SPAG6: variants seen among roughly 807,000 people sequenced by gnomAD.
SPAG6 encodes the protein sperm-associated antigen 6.
In SPAG6, 49 loss-of-function variants were observed where a neutral mutation model predicts 58.5. The ratio of observed to expected loss-of-function variants is 0.84; its 90% CI spans 0.67 to 1.06. The LOEUF is 1.06. SPAG6 is among the 50% of genes least tolerant of loss of function. The pLI is 0.00. For missense variants in SPAG6, 560 were observed against 611.3 expected (o/e 0.92, Z 0.89); for synonymous variants, 233 against 225.6 (o/e 1.03, Z -0.29).
At chr10:22,346,853 A>G (rs1401561400) in intron 2 of SPAG6, among the ~76,000 whole-genome samples, 3 of 152,142 alleles carry the variant, frequency 2.0e-5, no homozygotes, top group African/African-American at 7.2e-5. Context: ...AATCTTCTAA[A>G]CGCATTTTAG....
chr10:22,406,139 C>T (rs1482633958), intron 9 of SPAG6, among the ~76,000 whole-genome samples: 2 of 152,122 alleles, frequency 1.3e-5, no homozygotes, highest in African/African-American at 4.8e-5. Flanking sequence ...CTATTTCCTT[C>T]AGTTCTGCTC....
chr10:22,390,007 C>T (rs909184971), intron 7 of SPAG6, among the ~76,000 whole-genome samples: 2 of 152,118 alleles, frequency 1.3e-5, no homozygotes, highest in African/African-American at 4.8e-5. Flanking sequence ...CGGTGACCCT[C>T]TGGGGTGTGG....
intron 8 of SPAG6, among the ~76,000 whole-genome samples, chr10:22,399,019 G>A (rs1425777921): frequency 3.9e-5 from 6 of 151,996 alleles, no homozygotes; most frequent in East Asian, 1.9e-4. Context: ...GGGTTTCACC[G>A]TGTTGTCTAG....
chr10:22,377,653 AG>A (rs1833849348), intron 4 of SPAG6, among the ~76,000 whole-genome samples: 1 of 152,274 alleles, frequency 6.6e-6, no homozygotes, highest in African/African-American at 2.4e-5. Context: ...GAAACCCATG[AG>A]GGTGTGAGAA....
intron 4 of SPAG6, among the ~76,000 whole-genome samples, chr10:22,381,709 A>T (rs1833962556): frequency 6.6e-6 from 1 of 152,130 alleles, no homozygotes; most frequent in African/African-American, 2.4e-5. Context: ...CCATACTTAT[A>T]CTATGCTAAG....
intron 4 of SPAG6, among the ~76,000 whole-genome samples, chr10:22,369,350 C>T (rs1447188600): frequency 1.3e-5 from 2 of 152,060 alleles, no homozygotes; most frequent in African/African-American, 4.8e-5. Flanking sequence ...ATAATTTTCC[C>T]CGTCACTTTA....
At chr10:22,402,255 G>GC (rs1834431985) in intron 9 of SPAG6, among the ~76,000 whole-genome samples, 1 of 152,042 alleles carries the variant, frequency 6.6e-6, no homozygotes, top group South Asian at 2.1e-4. Context: ...AATAAAACAT[G>GC]CAAGCGGGTC....
chr10:22,400,706 A>T (rs149528276), intron 8 of SPAG6, among the ~76,000 whole-genome samples: 3 of 152,196 alleles, frequency 2.0e-5, no homozygotes, highest in Non-Finnish European at 2.9e-5. Flanking sequence ...CTGACTGCAT[A>T]TGTATAAGCC....
intron 9 of SPAG6, among the ~76,000 whole-genome samples, chr10:22,405,780 G>T (rs1834537963): frequency 6.6e-6 from 1 of 152,152 alleles, no homozygotes; most frequent in South Asian, 2.1e-4. Flanking sequence ...ACTCTTTTTG[G>T]TTCGTAAGCT....
chr10:22,370,460 C>CGA (rs374773668), intron 4 of SPAG6, among the ~76,000 whole-genome samples: 7 of 152,300 alleles, frequency 4.6e-5, no homozygotes, highest in African/African-American at 1.7e-4. Flanking sequence ...GAATTTGAGT[C>CGA]TAACTGTCTG....
chr10:22,406,500 A>G (rs1023969586), intron 9 of SPAG6, among the ~76,000 whole-genome samples: 6 of 152,146 alleles, frequency 3.9e-5, no homozygotes, highest in African/African-American at 1.4e-4. Flanking sequence ...GTGGTCTGAG[A>G]GACAGTTTGT....
At position 22,345,672 on chromosome 10, in the gene SPAG6, G is replaced by T. The variant is rs1456662386; in HGVS notation, c.25+36G>T. On this transcript the variant is annotated intron_variant, in intron 1 of 10. Transcript: ENST00000376624. The surrounding 1 kb of genome is among the most constrained non-coding windows in gnomAD (Gnocchi z 6.3). The stretch of plus-strand genomic sequence containing the variant: ...GGCGGGCAGGTGCCCTAACTAGCTG[G>T]CGCCGAGGAGACCCGGGTGCGGTGG... 1 of 1,575,562 alleles carries T rather than the reference G, an allele frequency of 6.3e-7. No homozygotes were observed. Among genetic ancestry groups the T allele is most frequent in the Non-Finnish European group, 8.6e-7 (1 of 1,161,634 alleles).
At chr10:22,346,316 C>G (rs931682951) in intron 2 of SPAG6, among the ~76,000 whole-genome samples, 1 of 151,882 alleles carries the variant, frequency 6.6e-6, no homozygotes, top group Non-Finnish European at 1.5e-5. Context: ...ATCCTTATGG[C>G]GCGTTCCTTC....
intron 2 of SPAG6, among the ~76,000 whole-genome samples, chr10:22,363,328 G>A (rs1053106325): frequency 6.6e-6 from 1 of 152,170 alleles, no homozygotes; most frequent in Non-Finnish European, 1.5e-5. Context: ...TTAAACTTTT[G>A]TTGTGGATAT....
chr10:22,361,029 C>T (rs1837021770), intron 2 of SPAG6: 2 of 538,952 alleles, frequency 3.7e-6, no homozygotes, highest in Non-Finnish European at 6.6e-6. Flanking sequence ...AAACATGTCT[C>T]TTTAGAGGAA....
intron 2 of SPAG6, chr10:22,360,727 C>A: frequency 8.9e-7 from 1 of 1,127,256 alleles, no homozygotes; most frequent in Non-Finnish European, 1.2e-6. Context: ...TTCAAGTGAG[C>A]CCCAGTGATG....
At chr10:22,346,349 C>G (rs1169820726) in intron 2 of SPAG6, among the ~76,000 whole-genome samples, 1 of 151,472 alleles carries the variant, frequency 6.6e-6, no homozygotes, top group Non-Finnish European at 1.5e-5. Flanking sequence ...CGGACTCTTG[C>G]AGATGTGAGA....
At chr10:22,366,570 T>C (rs920911992) in intron 3 of SPAG6, among the ~76,000 whole-genome samples, 4 of 152,234 alleles carry the variant, frequency 2.6e-5, no homozygotes, top group African/African-American at 9.6e-5. Context: ...TTTCATGTTA[T>C]GTGTATTTTG....
At chr10:22,346,530 T>C (rs1836561787) in intron 2 of SPAG6, among the ~76,000 whole-genome samples, 1 of 145,146 alleles carries the variant, frequency 6.9e-6, no homozygotes, top group African/African-American at 2.5e-5. Flanking sequence ...TCTTCTTCTT[T>C]TCTTCTTTCT....
Sources: gnomAD v4.1 joint callset for allele counts (sites outside exome capture counted in the v4.1 genomes callset) on GRCh38, gnomAD v4.1.1 for gene constraint, Gnocchi (gnomAD v3.1) non-coding constraint, MANE v1.5 for transcripts, NCBI Gene and HGNC (gene_info 2026-07-23, HGNC 2026-07-21) for gene names.